The following ARHGAP42 variants were observed in gnomAD, a reference collection of about 807,000 sequenced individuals.
The protein encoded by ARHGAP42 is rho GTPase-activating protein 42.
Under a neutral mutation model 125.0 loss-of-function variants are expected in ARHGAP42, and 63 were observed. That is an observed-to-expected ratio of 0.50 (90% CI 0.41 to 0.62). The LOEUF is 0.62. ARHGAP42 is among the 20% of genes least tolerant of loss of function. The pLI is 0.00. For synonymous variants in ARHGAP42, 339 were observed against 351.0 expected (o/e 0.97, Z 0.38); for missense variants, 766 against 1,024.2 (o/e 0.75, Z 3.44).
intron 1 of ARHGAP42, among the ~76,000 whole-genome samples, chr11:100,736,151 GT>G (rs1862063501): frequency 6.6e-6 from 1 of 152,196 alleles, no homozygotes; most frequent in Non-Finnish European, 1.5e-5. Flanking sequence ...GCCCAAGGTT[GT>G]TTAGGTGGTT....
chr11:100,781,987 T>A (rs1369959774), intron 2 of ARHGAP42, among the ~76,000 whole-genome samples: 2 of 151,938 alleles, frequency 1.3e-5, no homozygotes, highest in Non-Finnish European at 2.9e-5. Context: ...CAATTCTCTA[T>A]TTGTCCTCCC....
At chr11:100,985,438 T>C (rs1456734046) in intron 22 of ARHGAP42, among the ~76,000 whole-genome samples, 6 of 152,178 alleles carry the variant, frequency 3.9e-5, no homozygotes, top group Non-Finnish European at 7.3e-5. Context: ...ATGGTTATAG[T>C]TGGCTAGAAG....
At chr11:100,961,819 C>G in intron 15 of ARHGAP42, 51 bp downstream of exon 15, 1 of 1,439,574 alleles carries the variant, frequency 6.9e-7, no homozygotes, top group East Asian at 2.5e-5. Flanking sequence ...TGACTCACCC[C>G]TTGAGTAGTA....
chr11:100,933,282 C>T (rs1478826003), intron 7 of ARHGAP42, 22 bp downstream of exon 7: 4 of 1,482,170 alleles, frequency 2.7e-6, no homozygotes, highest in Non-Finnish European at 2.7e-6. Flanking sequence ...CCTGTTCTTA[C>T]TGTCTCTCAG....
chr11:100,870,365 G>A (rs1158085363), intron 4 of ARHGAP42, among the ~76,000 whole-genome samples: 2 of 152,138 alleles, frequency 1.3e-5, no homozygotes, highest in Non-Finnish European at 1.5e-5. Context: ...TGGTGTTCTT[G>A]GTTTAAGAGT....
chr11:100,735,602 C>CTT (rs58522622), intron 1 of ARHGAP42, among the ~76,000 whole-genome samples: 7,407 of 72,888 alleles, frequency 0.1, 880 homozygotes, highest in East Asian at 0.2. Context: ...TTTACTTGTA[C>CTT]TTTTTTTTTT....
chr11:100,811,563 G>A (rs1864143314), intron 3 of ARHGAP42, among the ~76,000 whole-genome samples: 1 of 151,258 alleles, frequency 6.6e-6, no homozygotes, highest in Admixed American at 6.6e-5. Context: ...GGAGTGCAGT[G>A]GTGTGATCTC....
At chr11:100,696,100 T>A (rs919156929) in intron 1 of ARHGAP42, among the ~76,000 whole-genome samples, 2 of 152,032 alleles carry the variant, frequency 1.3e-5, no homozygotes, top group Non-Finnish European at 2.9e-5. Context: ...GATGCGTGCC[T>A]GTAGTCCCAG....
chr11:100,710,889 C>T (rs1352685314), intron 1 of ARHGAP42, among the ~76,000 whole-genome samples: 1 of 152,112 alleles, frequency 6.6e-6, no homozygotes. Flanking sequence ...TGGCTTCAGG[C>T]TCTTTATGGC....
chr11:100,725,890 G>A (rs953290786), intron 1 of ARHGAP42, among the ~76,000 whole-genome samples: 3 of 147,190 alleles, frequency 2.0e-5, no homozygotes, highest in Non-Finnish European at 4.5e-5. Context: ...AGCCGAGATC[G>A]CGCCACTGAT....
chr11:100,892,167 G>T (rs1364236518), intron 4 of ARHGAP42, among the ~76,000 whole-genome samples: 1 of 152,124 alleles, frequency 6.6e-6, no homozygotes, highest in African/African-American at 2.4e-5. Context: ...TTTATACTAA[G>T]AAATGTAATA....
chr11:100,812,714 G>A (rs1268948037), intron 3 of ARHGAP42, among the ~76,000 whole-genome samples: 1 of 152,220 alleles, frequency 6.6e-6, no homozygotes, highest in East Asian at 1.9e-4. Context: ...GCTGGAAAGT[G>A]CTCGGACTGT....
At position 100,989,433 on chromosome 11, in the gene ARHGAP42, ACAAT is replaced by A. The variant is rs956065168; in HGVS notation, c.*634_*637del. The A allele has an allele frequency of 3.8e-6, 1 of 264,056 alleles. No homozygotes were observed. The highest frequency in any genetic ancestry group is 2.2e-5 in the African/African-American group (1 of 45,692). The allele number at this position is 264,056 out of a possible 1,614,324, so 16.4% of individuals were successfully genotyped here. On this transcript the variant is annotated 3_prime_UTR_variant, in exon 24 of 24. Coordinates refer to ENST00000298815, the MANE Select transcript of ARHGAP42 (RefSeq NM_152432.4). Reference sequence around the variant, plus strand: ...AAGTCATACACTGATTCCACTGTAAACAATCTGTCCAGAATTCCAGACACCTTCA... The same window carrying A: ...AAGTCATACACTGATTCCACTGTAAACTGTCCAGAATTCCAGACACCTTCA...
chr11:100,726,804 G>A (rs1007538788), intron 1 of ARHGAP42, among the ~76,000 whole-genome samples: 1 of 152,146 alleles, frequency 6.6e-6, no homozygotes, highest in African/African-American at 2.4e-5. Flanking sequence ...TCTCTTAAGT[G>A]GCTGCACTCA....
intron 3 of ARHGAP42, among the ~76,000 whole-genome samples, chr11:100,802,228 A>G (rs1395624277): frequency 2.0e-5 from 3 of 152,198 alleles, no homozygotes; most frequent in African/African-American, 4.8e-5. Context: ...ATTTGAACCA[A>G]TGTTAACATA....
chr11:100,968,693 T>C (rs888643891), intron 17 of ARHGAP42, among the ~76,000 whole-genome samples: 1 of 152,168 alleles, frequency 6.6e-6, no homozygotes, highest in Admixed American at 6.5e-5. Flanking sequence ...TTTTCATTTG[T>C]TCCTGTGAAT....
chr11:100,690,772 A>T (rs2120165360), intron 1 of ARHGAP42, among the ~76,000 whole-genome samples: 1 of 149,612 alleles, frequency 6.7e-6, no homozygotes, highest in East Asian at 2.0e-4. Flanking sequence ...AATATTTTGT[A>T]TTTTTTTTTA....
intron 1 of ARHGAP42, among the ~76,000 whole-genome samples, chr11:100,733,187 T>G (rs550007699): frequency 6.6e-6 from 1 of 152,218 alleles, no homozygotes; most frequent in Non-Finnish European, 1.5e-5. Context: ...GGTTGACTCA[T>G]GACAAGTTAA....
At chr11:100,941,687 G>T in intron 8 of ARHGAP42, 97 bp from the exon 9 acceptor site, 2 of 666,406 alleles carry the variant, frequency 3.0e-6, no homozygotes, top group Non-Finnish European at 5.0e-6. Context: ...GTATAGGAGA[G>T]ATAATCGGTT....
Sources: gnomAD v4.1 joint callset for allele counts (sites outside exome capture counted in the v4.1 genomes callset) on GRCh38, gnomAD v4.1.1 for gene constraint, MANE v1.5 for transcripts, NCBI Gene and HGNC (gene_info 2026-07-23, HGNC 2026-07-21) for gene names.